The following DMD variants were observed in gnomAD, a reference collection of about 807,000 sequenced individuals.
The protein encoded by DMD is mutant dystrophin.
Under a neutral mutation model 330.1 loss-of-function variants are expected in DMD, and 63 were observed. The observed-to-expected ratio is 0.19, with a 90% confidence interval of 0.16 to 0.24. DMD has a LOEUF of 0.24. DMD is among the 10% of genes least tolerant of loss of function. The pLI is 1.00. For missense variants in DMD, 3,344 were observed against 2,684.1 expected, an observed-to-expected ratio of 1.25 and a Z score of -5.43; for synonymous variants, 1,223 against 959.8, an observed-to-expected ratio of 1.27 and a Z score of -5.07.
At chrX:31,864,526 A>G (rs72626006) in intron 48 of DMD, among the ~76,000 whole-genome samples, 25,583 of 79,397 alleles carry the variant, frequency 0.32, 3,486 homozygotes, top group African/African-American at 0.41. Context: ...GTCTTGCTCT[A>G]TTCCCCATGC....
At chrX:32,687,221 A>G (rs1483344808) in intron 9 of DMD, among the ~76,000 whole-genome samples, 1 of 112,234 alleles carries the variant, frequency 8.9e-6, no homozygotes, top group Non-Finnish European at 1.9e-5. Context: ...TACAGTCATC[A>G]GTAAGTAGAG....
At chrX:31,304,801 C>G (rs1242198472) in intron 62 of DMD, among the ~76,000 whole-genome samples, 1 of 110,745 alleles carries the variant, frequency 9.0e-6, no homozygotes, top group Non-Finnish European at 1.9e-5. Flanking sequence ...CCCCATGACT[C>G]TAAGAAGGAT....
chrX:32,718,596 C>G (rs892216307), intron 7 of DMD, among the ~76,000 whole-genome samples: 27 of 112,077 alleles, frequency 2.4e-4, no homozygotes, highest in African/African-American at 8.8e-4. Context: ...TTTCTCAGGA[C>G]TTGGTAATGT....
At chrX:32,583,602 G>A (rs2053899951) in intron 13 of DMD, 1 of 111,929 alleles carries the variant, frequency 8.9e-6, no homozygotes, top group Non-Finnish European at 1.9e-5. Flanking sequence ...AAACTGATTA[G>A]AGTCCATAAA....
intron 44 of DMD, among the ~76,000 whole-genome samples, chrX:31,995,129 C>G (rs773861925): frequency 1.8e-5 from 2 of 111,707 alleles, no homozygotes; most frequent in Admixed American, 9.5e-5. Context: ...TCCAAATTCT[C>G]TCTGTGTGTA....
intron 9 of DMD, among the ~76,000 whole-genome samples, chrX:32,696,818 G>A (rs900282365): frequency 1.8e-5 from 2 of 111,362 alleles, no homozygotes; most frequent in Non-Finnish European, 3.8e-5. Flanking sequence ...TCGATGGAGA[G>A]TCAAGAGGTC....
chrX:32,333,600 C>G (rs1479117403), intron 41 of DMD, among the ~76,000 whole-genome samples: 2 of 110,865 alleles, frequency 1.8e-5, no homozygotes, highest in African/African-American at 6.5e-5. Context: ...TTTTCTGCTT[C>G]AGATTTGCTC....
chrX:31,285,853 G>A (rs2053170135), intron 62 of DMD, among the ~76,000 whole-genome samples: 1 of 111,485 alleles, frequency 9.0e-6, no homozygotes. Flanking sequence ...ATGAAAATAG[G>A]AAGAATATTA....
chrX:32,098,985 C>A (rs1396901380), intron 44 of DMD, among the ~76,000 whole-genome samples: 1 of 112,027 alleles, frequency 8.9e-6, no homozygotes, highest in Non-Finnish European at 1.9e-5. Flanking sequence ...TCTGAGTATA[C>A]TGCTGTGCAT....
chrX:32,982,581 T>G, intron 2 of DMD, among the ~76,000 whole-genome samples: 1 of 111,609 alleles, frequency 9.0e-6, no homozygotes, highest in Non-Finnish European at 1.9e-5. Context: ...CTGGTAATAA[T>G]GCAGGAATAA....
chrX:32,140,575 G>A (rs978300775), intron 44 of DMD, among the ~76,000 whole-genome samples: 9 of 111,913 alleles, frequency 8.0e-5, no homozygotes, highest in Non-Finnish European at 1.3e-4. Context: ...GTATTAGTCC[G>A]TTTTCATGCT....
At chrX:32,159,753 C>T (rs1439739685) in intron 44 of DMD, among the ~76,000 whole-genome samples, 1 of 111,463 alleles carries the variant, frequency 9.0e-6, no homozygotes, top group East Asian at 2.8e-4. Flanking sequence ...GGGGAAAGAG[C>T]GAGAGAGAAA....
In DMD at chrX:31,598,445, A is replaced by C. The variant is rs189817465; in HGVS notation, c.8217+29228T>G. Among the ~76,000 whole-genome samples, 42 of 111,426 alleles carry C rather than the reference A, an allele frequency of 3.8e-4. 1 individual carries two copies. In the East Asian group the frequency reaches 0.011, roughly 28 times the overall value. ...GGCTGTGTGTATATCTTTTAATGTT[A>C]AACTTTTACAGTAGAAATACTCACT... On this transcript the variant is annotated intron_variant, in intron 55 of 78. Transcript: ENST00000357033.
At chrX:31,659,785 T>G (rs1238130180) in intron 53 of DMD, among the ~76,000 whole-genome samples, 1 of 111,256 alleles carries the variant, frequency 9.0e-6, no homozygotes, top group Non-Finnish European at 1.9e-5. Flanking sequence ...ACAATTTTCT[T>G]GTGTAAAAAA....
At chrX:33,103,331 C>T (rs181202502) in intron 1 of DMD, among the ~76,000 whole-genome samples, 2 of 111,245 alleles carry the variant, frequency 1.8e-5, no homozygotes, top group East Asian at 2.8e-4. Flanking sequence ...TGCATGTATA[C>T]GCCCAGATGG....
Position 32,614,381 on chromosome X carries a change from T to C in DMD, c.1404A>G (p.Glu468=), listed in dbSNP as rs759585879. Residue 468 remains glutamate (E), a synonymous_variant, in exon 12 of 79, where the codon GAA becomes GAG. Transcript: ENST00000357033. ...KELNDWLTKT[E]ERTRKMEEEP... is the part of the protein sequence containing the mutation. ...CTTCCTCCATTTTCCTTGTTCTTTC[T>C]TCTGTTTTTGTTAGCCAGTCATTCA... The C allele has an allele frequency of 1.7e-6, 2 of 1,208,434 alleles. No individual in the cohort carries two copies. Among genetic ancestry groups the C allele is most frequent in the Non-Finnish European group, 2.2e-6 (2 of 893,339 alleles).
At chrX:32,540,392 A>G (rs1288051921) in intron 17 of DMD, among the ~76,000 whole-genome samples, 1 of 111,890 alleles carries the variant, frequency 8.9e-6, no homozygotes, top group Non-Finnish European at 1.9e-5. Flanking sequence ...TGTACCTTAG[A>G]TAGTTAAGAA....
At chrX:31,950,944 A>G (rs1236144778) in intron 45 of DMD, among the ~76,000 whole-genome samples, 3 of 106,428 alleles carry the variant, frequency 2.8e-5, no homozygotes, top group Non-Finnish European at 3.9e-5. Flanking sequence ...TATAATTGGA[A>G]TGCTTAGTTC....
chrX:32,391,174 A>G (rs1603632358), intron 30 of DMD, among the ~76,000 whole-genome samples: 1 of 111,502 alleles, frequency 9.0e-6, no homozygotes, highest in Non-Finnish European at 1.9e-5. Context: ...TAGCGGTCAA[A>G]TCATTCTAAT....
Sources: gnomAD v4.1 joint callset for allele counts (sites outside exome capture counted in the v4.1 genomes callset) on GRCh38, gnomAD v4.1.1 for gene constraint, MANE v1.5 for transcripts, NCBI Gene and HGNC (gene_info 2026-07-23, HGNC 2026-07-21) for gene names.